The following TRIM54 variants were observed in gnomAD, a reference collection of about 807,000 sequenced individuals.
TRIM54 encodes the protein tripartite motif-containing protein 54.
TRIM54 carries 40 observed loss-of-function variants against 42.0 expected under a neutral mutation model. The observed-to-expected ratio is 0.95, with a 90% CI of 0.74 to 1.24. The LOEUF (loss-of-function observed/expected upper bound fraction) is 1.24. Among genes scored for constraint, TRIM54 ranks in the 50% most tolerant of loss-of-function variants. TRIM54 has a pLI of 0.00. For synonymous variants in TRIM54, 199 were observed against 194.9 expected (o/e 1.02, Z -0.17); for missense variants, 485 against 480.3 (o/e 1.01, Z -0.09).
Position 27,300,467 on chromosome 2 carries a change from C to G in TRIM54, c.513+1051C>G, listed in dbSNP as rs377745123. Among the ~76,000 whole-genome samples the G allele has an allele frequency of 2.0e-5, 3 of 149,482 alleles. No individual in the cohort carries two copies. In the East Asian group the frequency reaches 5.8e-4, roughly 29 times the overall value. ...GATTACAGGCGTGAGCCCCTGCGCC[C>G]GAACCTAATTTTTTATTTTTACATA... On this transcript the variant is annotated intron_variant, in intron 3 of 8. Coordinates refer to ENST00000380075, the MANE Select transcript of TRIM54 (RefSeq NM_187841.3).
chr2:27,293,997 C>T (rs1298211484), intron 1 of TRIM54, among the ~76,000 whole-genome samples: 3 of 151,914 alleles, frequency 2.0e-5, no homozygotes, highest in Non-Finnish European at 4.4e-5. Flanking sequence ...CACTCCAGCC[C>T]GACGACAGAG....
Position 27,307,354 on chromosome 2 carries a change from G to T in TRIM54, c.*469G>T. Reference sequence around the variant, plus strand: ...GCCCGGGGGCCCCACCTTCCCACGGGTTCCCACGCTGCTGTGACTGCCCTG... The same window carrying T: ...GCCCGGGGGCCCCACCTTCCCACGGTTTCCCACGCTGCTGTGACTGCCCTG... On this transcript the variant is annotated 3_prime_UTR_variant, in exon 9 of 9. Transcript: ENST00000380075. This position sits in a 1 kb window ranked among gnomAD's most constrained non-coding sequence, Gnocchi z 6.9. The T allele has an allele frequency of 8.0e-7, 1 of 1,243,718 alleles. No homozygotes were observed. The highest frequency in any genetic ancestry group is 2.8e-5 in the East Asian group (1 of 36,084). The allele number at this position is 1,243,718 out of a possible 1,614,324, so 77.0% of individuals were successfully genotyped here.
chr2:27,283,784 G>A (rs191539041), intron 1 of TRIM54, among the ~76,000 whole-genome samples: 25,157 of 131,978 alleles, frequency 0.19, 2,907 homozygotes, highest in African/African-American at 0.32. Flanking sequence ...ACACACGCGC[G>A]CACACACACA....
At chr2:27,305,137 A>G (rs1330273317) in intron 4 of TRIM54, 83 bp downstream of exon 4, 1 of 1,226,588 alleles carries the variant, frequency 8.2e-7, no homozygotes, top group African/African-American at 1.5e-5. Context: ...CTCCTCTCTG[A>G]CCTCTCGCCA....
intron 3 of TRIM54, among the ~76,000 whole-genome samples, chr2:27,301,135 CTTT>C (rs35279593): frequency 4.0e-5 from 5 of 125,344 alleles, no homozygotes; most frequent in Non-Finnish European, 1.7e-5. Flanking sequence ...TGGTTGCCCT[CTTT>C]TTTTTTTTTT....
intron 1 of TRIM54, among the ~76,000 whole-genome samples, chr2:27,283,770 A>ACGCACGCGCGCG (rs1487361341): frequency 2.0e-4 from 20 of 100,500 alleles, no homozygotes; most frequent in Admixed American, 8.3e-4. Context: ...AAAGGCACAC[A>ACGCACGCGCGCG]CACACACACG....
intron 3 of TRIM54, among the ~76,000 whole-genome samples, chr2:27,304,084 C>T (rs1394291325): frequency 4.6e-5 from 7 of 151,710 alleles, no homozygotes; most frequent in South Asian, 2.1e-4. Flanking sequence ...TGGTGTCATG[C>T]GCCTGTAGTC....
Position 27,286,720 on chromosome 2 carries a change from T to C in TRIM54, c.168+3821T>C, listed in dbSNP as rs115085978. Among the ~76,000 whole-genome samples the C allele has an allele frequency of 5.1e-3, 771 of 152,358 alleles. 4 individuals carry two copies. Among genetic ancestry groups the C allele is most frequent in the African/African-American group, 0.018 (734 of 41,580 alleles). ...ACAGCTTTTCTGGAGGAGGTCTGTCTACAGAGGGACTTGCAGAGGGGGGAT... is the reference window on the plus strand; with the variant it reads ...ACAGCTTTTCTGGAGGAGGTCTGTCCACAGAGGGACTTGCAGAGGGGGGAT... On this transcript the variant is annotated intron_variant, in intron 1 of 8. Coordinates refer to ENST00000380075, the MANE Select transcript of TRIM54 (RefSeq NM_187841.3).
chr2:27,295,510 G>A (rs1678842493), intron 1 of TRIM54, among the ~76,000 whole-genome samples: 1 of 152,154 alleles, frequency 6.6e-6, no homozygotes, highest in Non-Finnish European at 1.5e-5. Context: ...ATTTCACCGT[G>A]TTGGCCAGGC....
chr2:27,303,823 A>G (rs1450911709), intron 3 of TRIM54, among the ~76,000 whole-genome samples: 1 of 152,230 alleles, frequency 6.6e-6, no homozygotes, highest in Admixed American at 6.6e-5. Flanking sequence ...CAACTGAGAT[A>G]TTGGAATTAT....
Position 27,306,300 on chromosome 2 carries a change from C to T in TRIM54, c.954C>T (p.His318=), listed in dbSNP as rs762917546. The T allele has an allele frequency of 2.5e-6, 4 of 1,614,102 alleles. No homozygotes were observed. The highest frequency in any genetic ancestry group is 2.2e-5 in the South Asian group (2 of 91,084). ...SMEQFTVRVE[H]VAEMLRTIDF... ...AGCAATTCACCGTAAGGGTGGAGCA[C>T]GTGGCCGAAATGCTGCGGACCATCG... The change falls in exon 7 of 9, where the codon CAC becomes CAT. Residue 318 remains histidine (H), a synonymous_variant. Coordinates refer to ENST00000380075, the MANE Select transcript of TRIM54 (RefSeq NM_187841.3). The surrounding 1 kb of genome is among the most constrained non-coding windows in gnomAD (Gnocchi z 6.1).
intron 1 of TRIM54, among the ~76,000 whole-genome samples, chr2:27,291,269 C>T (rs1465303401): frequency 1.3e-5 from 2 of 152,184 alleles, no homozygotes; most frequent in African/African-American, 4.8e-5. Flanking sequence ...GCTGGAGAAT[C>T]ACTTGAGCCC....
chr2:27,292,236 C>G, intron 1 of TRIM54, among the ~76,000 whole-genome samples: 1 of 152,184 alleles, frequency 6.6e-6, no homozygotes, highest in Non-Finnish European at 1.5e-5. Context: ...TGAAGGAAGA[C>G]ATTGGCCAAG....
chr2:27,291,279 C>T (rs558795001), intron 1 of TRIM54, among the ~76,000 whole-genome samples: 5 of 152,124 alleles, frequency 3.3e-5, no homozygotes, highest in Non-Finnish European at 7.4e-5. Flanking sequence ...CACTTGAGCC[C>T]GGGAAGCAGA....
intron 1 of TRIM54, among the ~76,000 whole-genome samples, chr2:27,285,386 AG>A (rs1232942117): frequency 6.6e-6 from 1 of 152,224 alleles, no homozygotes; most frequent in East Asian, 1.9e-4. Flanking sequence ...CAAACCACTT[AG>A]GAAGAATACC....
intron 1 of TRIM54, among the ~76,000 whole-genome samples, chr2:27,291,869 G>A (rs941485919): frequency 1.3e-5 from 2 of 152,138 alleles, no homozygotes; most frequent in African/African-American, 2.4e-5. Context: ...CTCTGGGACT[G>A]GGGGATGAAA....
intron 1 of TRIM54, among the ~76,000 whole-genome samples, chr2:27,288,685 A>G (rs912372731): frequency 1.3e-5 from 2 of 152,236 alleles, no homozygotes; most frequent in Non-Finnish European, 2.9e-5. Flanking sequence ...ATTCACAAAC[A>G]TGATTCCATT....
chr2:27,288,348 A>G (rs1450674448), intron 1 of TRIM54, among the ~76,000 whole-genome samples: 1 of 152,214 alleles, frequency 6.6e-6, no homozygotes, highest in Non-Finnish European at 1.5e-5. Flanking sequence ...TGACATAAGT[A>G]TGGATTTGCT....
chr2:27,305,781 G>T lies in TRIM54; in HGVS notation c.807G>T (p.Gln269His). 6.2e-7 allele frequency: 1 copy of T among 1,609,912 alleles called. No individual in the cohort carries two copies. Among genetic ancestry groups the T allele is most frequent in the Non-Finnish European group, 8.5e-7 (1 of 1,178,100 alleles). Residue 269 changes from glutamine to histidine, a missense_variant, in exon 5 of 9, where the codon CAG becomes CAT. Physicochemically the swap from Gln to His is conservative, Grantham distance 24. Transcript: ENST00000380075. ...ASSKLVESAI[Q>H]SMEEPQMALY... ...CTAAGCTGGTGGAGTCTGCCATCCA[G>T]TCCATGGAAGAGCCACAAATGGCGC...
Sources: gnomAD v4.1 joint callset for allele counts (sites outside exome capture counted in the v4.1 genomes callset) on GRCh38, gnomAD v4.1.1 for gene constraint, Gnocchi (gnomAD v3.1) non-coding constraint, MANE v1.5 for transcripts, NCBI Gene and HGNC (gene_info 2026-07-23, HGNC 2026-07-21) for gene names.